The following AAMDC variants were observed in gnomAD, a reference collection of about 807,000 sequenced individuals.
AAMDC encodes mth938 domain-containing protein.
In AAMDC, 16 loss-of-function variants were observed where a neutral mutation model predicts 15.5. That is an observed-to-expected ratio of 1.03 (90% CI 0.70 to 1.57). The LOEUF (loss-of-function observed/expected upper bound fraction) is 1.57, where lower values mean the gene tolerates loss of function less well. Ranked by LOEUF, AAMDC falls within the 40% of genes most tolerant of loss-of-function variation. AAMDC has a pLI of 0.00. For missense variants in AAMDC, 141 were observed against 144.9 expected (o/e 0.97, Z 0.14); for synonymous variants, 51 against 51.6 (o/e 0.99, Z 0.05).
intron 1 of AAMDC, among the ~76,000 whole-genome samples, chr11:77,824,780 T>G (rs544561302): frequency 3.5e-4 from 53 of 152,224 alleles, no homozygotes; most frequent in African/African-American, 1.2e-3. Context: ...ATTGGCAAGT[T>G]TATTTCTCAA....
In AAMDC at chr11:77,890,807, T is replaced by C. The variant is rs1893924; in HGVS notation, c.329-9764T>C. On this transcript the variant is annotated intron_variant, in intron 5 of 5. Transcript: ENST00000304716. ...TAGTAGTACTCTTTGTGGGGCTTAA[T>C]TGCACTGTCTGAATTGATTAGTGTC... 7.4e-3 allele frequency among the ~76,000 whole-genome samples: 1,129 copies of C among 152,352 alleles called. 15 individuals are homozygous for C. Among genetic ancestry groups the C allele is most frequent in the African/African-American group, 0.026 (1,094 of 41,564 alleles).
chr11:77,855,711 G>A (rs1950589005), intron 2 of AAMDC, among the ~76,000 whole-genome samples: 1 of 116,420 alleles, frequency 8.6e-6, no homozygotes, highest in African/African-American at 3.3e-5. Flanking sequence ...GTAAGTTCCA[G>A]TTTTATGTCT....
At chr11:77,861,933 C>T (rs1353161071) in intron 2 of AAMDC, among the ~76,000 whole-genome samples, 2 of 152,154 alleles carry the variant, frequency 1.3e-5, no homozygotes, top group Non-Finnish European at 2.9e-5. Flanking sequence ...TAAACCTATC[C>T]TTTAAGATTA....
chr11:77,874,511 ATC>A (rs1951545650), downstream of AAMDC, among the ~76,000 whole-genome samples: 3 of 152,160 alleles, frequency 2.0e-5, no homozygotes, highest in Non-Finnish European at 4.4e-5. Context: ...AGACAGAAGT[ATC>A]TGTCAGTGAC....
intron 2 of AAMDC, among the ~76,000 whole-genome samples, chr11:77,852,757 ATT>A (rs531052993): frequency 6.6e-6 from 1 of 151,828 alleles, no homozygotes. Flanking sequence ...TATATAAATA[ATT>A]TTTTTTCTTT....
At chr11:77,878,541 G>C (rs1951671458) in intron 5 of AAMDC, among the ~76,000 whole-genome samples, 2 of 152,122 alleles carry the variant, frequency 1.3e-5, no homozygotes, top group African/African-American at 4.8e-5. Flanking sequence ...AGCGGCCTTG[G>C]AGTTGCCCTG....
chr11:77,895,463 G>GTTT (rs1952470116), intron 5 of AAMDC, among the ~76,000 whole-genome samples: 2 of 146,542 alleles, frequency 1.4e-5, no homozygotes, highest in African/African-American at 5.1e-5. Context: ...CAAAAAATGG[G>GTTT]GCCGGGGGTA....
At chr11:77,877,047 C>G (rs770576896), downstream of AAMDC, 2 of 702,988 alleles carry the variant, frequency 2.8e-6, no homozygotes, top group South Asian at 3.0e-5. Flanking sequence ...AGATGCAAAA[C>G]AGGTAAGCAC....
At chr11:77,865,034 T>C (rs1340454562) in intron 2 of AAMDC, among the ~76,000 whole-genome samples, 2 of 152,144 alleles carry the variant, frequency 1.3e-5, no homozygotes, top group Non-Finnish European at 2.9e-5. Context: ...TCTCTCCTTC[T>C]CTGGACCCAT....
At chr11:77,846,265 CCTTT>C (rs902579574) in intron 2 of AAMDC, among the ~76,000 whole-genome samples, 1 of 152,094 alleles carries the variant, frequency 6.6e-6, no homozygotes, top group Non-Finnish European at 1.5e-5. Context: ...CTACCAGTTG[CCTTT>C]CTTATTATTC....
At chr11:77,869,843 C>T in intron 3 of AAMDC, 26 bp downstream of exon 3, 1 of 1,604,140 alleles carries the variant, frequency 6.2e-7, no homozygotes. Context: ...CACAGCATTC[C>T]TGAGGACAGG....
At chr11:77,856,771 C>G (rs1379335011) in intron 2 of AAMDC, among the ~76,000 whole-genome samples, 1 of 152,138 alleles carries the variant, frequency 6.6e-6, no homozygotes, top group African/African-American at 2.4e-5. Context: ...GATACTGGCC[C>G]CATGATCCAT....
downstream of AAMDC, among the ~76,000 whole-genome samples, chr11:77,875,146 C>G (rs974001476): frequency 3.3e-5 from 5 of 152,260 alleles, no homozygotes; most frequent in Admixed American, 6.5e-5. Context: ...ATATAAAGTC[C>G]TTTCAGAAAC....
At chr11:77,856,670 A>G (rs1375014807) in intron 2 of AAMDC, among the ~76,000 whole-genome samples, 2 of 152,124 alleles carry the variant, frequency 1.3e-5, no homozygotes, top group Admixed American at 6.6e-5. Flanking sequence ...CACATCTTAC[A>G]TGGCTGGAGC....
intron 1 of AAMDC, among the ~76,000 whole-genome samples, chr11:77,821,778 A>G (rs964897539): frequency 1.1e-4 from 16 of 152,160 alleles, no homozygotes; most frequent in Non-Finnish European, 2.4e-4. Context: ...GAAACTACCA[A>G]TAATGTAAAA....
chr11:77,892,454 T>C (rs899043233), intron 5 of AAMDC, among the ~76,000 whole-genome samples: 3 of 152,192 alleles, frequency 2.0e-5, no homozygotes, highest in East Asian at 3.8e-4. Context: ...ATGAAGAACT[T>C]TGGGGATTCA....
chr11:77,823,901 T>C (rs565137843), intron 1 of AAMDC, among the ~76,000 whole-genome samples: 1 of 152,106 alleles, frequency 6.6e-6, no homozygotes, highest in African/African-American at 2.4e-5. Context: ...CCAGTGAGGT[T>C]GTGAAATAAC....
downstream of AAMDC, among the ~76,000 whole-genome samples, chr11:77,873,964 G>A (rs1477511561): frequency 2.6e-5 from 4 of 152,200 alleles, no homozygotes; most frequent in Non-Finnish European, 4.4e-5. Context: ...ACCTGACTAC[G>A]TAGTTAGTTA....
chr11:77,824,769 G>C (rs914683969), intron 1 of AAMDC, among the ~76,000 whole-genome samples: 1 of 152,184 alleles, frequency 6.6e-6, no homozygotes, highest in African/African-American at 2.4e-5. Flanking sequence ...TCTATATCTT[G>C]ATTGGCAAGT....
Sources: gnomAD v4.1 joint callset for allele counts (sites outside exome capture counted in the v4.1 genomes callset) on GRCh38, gnomAD v4.1.1 for gene constraint, MANE v1.5 for transcripts, NCBI Gene and HGNC (gene_info 2026-07-23, HGNC 2026-07-21) for gene names.